RIC1: variants seen among roughly 807,000 people sequenced by gnomAD.
RIC1 encodes the protein guanine nucleotide exchange factor subunit RIC1.
RIC1 carries 88 observed loss-of-function variants against 169.0 expected under a neutral mutation model. That is an observed-to-expected ratio of 0.52 (90% CI 0.44 to 0.62). The LOEUF (loss-of-function observed/expected upper bound fraction) is 0.62. Among genes scored for constraint, RIC1 ranks in the 20% least tolerant of loss-of-function variants. The pLI is 0.00. For synonymous variants in RIC1, 790 were observed against 601.5 expected (o/e 1.31, Z -4.59); for missense variants, 1,877 against 1,725.5 (o/e 1.09, Z -1.56).
intron 3 of RIC1, chr9:5,713,004 A>G (rs1056424888): frequency 6.6e-6 from 1 of 152,210 alleles, no homozygotes; most frequent in Non-Finnish European, 1.5e-5. Context: ...AAAGAAAACT[A>G]AAAAAATGAG....
intron 7 of RIC1, among the ~76,000 whole-genome samples, chr9:5,736,208 C>G (rs1335662677): frequency 6.6e-6 from 1 of 152,214 alleles, no homozygotes; most frequent in African/African-American, 2.4e-5. Flanking sequence ...CTGCTACCCA[C>G]TTAGTGCTGT....
In RIC1 at chr9:5,756,379, A is replaced by C; in HGVS notation, c.1853+7A>C. 1 of 1,431,630 alleles carries C rather than the reference A, an allele frequency of 7.0e-7. No homozygotes were observed. Among genetic ancestry groups the C allele is most frequent in the Non-Finnish European group, 9.3e-7 (1 of 1,076,546 alleles). The allele number at this position is 1,431,630 out of a possible 1,614,324, so 88.7% of individuals were successfully genotyped here. ...TTGAAAGAAAATCTGATGGGTAAGT[A>C]TCTGGCATATGAGAAGTCACTTTTT... is the stretch of plus-strand genomic sequence containing the variant. On this transcript the variant is annotated splice_region_variant and intron_variant, in intron 16 of 25. Coordinates refer to ENST00000414202, the MANE Select transcript of RIC1 (RefSeq NM_020829.4).
At chr9:5,736,001 C>G (rs919590607) in intron 7 of RIC1, among the ~76,000 whole-genome samples, 1 of 152,088 alleles carries the variant, frequency 6.6e-6, no homozygotes, top group Middle Eastern at 3.2e-3. Flanking sequence ...TTACATTGGG[C>G]TGGTGAGAAA....
intron 21 of RIC1, 42 bp from the exon 22 acceptor site, chr9:5,768,928 A>G: frequency 1.9e-6 from 3 of 1,558,676 alleles, no homozygotes; most frequent in Non-Finnish European, 2.6e-6. Flanking sequence ...GAAATCCTCC[A>G]GTAAAGATTA....
chr9:5,703,678 T>C (rs1196314878), intron 3 of RIC1, among the ~76,000 whole-genome samples: 1 of 152,274 alleles, frequency 6.6e-6, no homozygotes. Flanking sequence ...TTTTCAAGGT[T>C]AATTCGTGTT....
intron 7 of RIC1, among the ~76,000 whole-genome samples, chr9:5,735,046 G>T (rs1013948887): frequency 6.6e-6 from 1 of 151,990 alleles, no homozygotes; most frequent in Non-Finnish European, 1.5e-5. Flanking sequence ...AAACAGAATC[G>T]ATCAAGATTC....
chr9:5,708,906 G>A (rs1255790069), intron 3 of RIC1, among the ~76,000 whole-genome samples: 2 of 151,744 alleles, frequency 1.3e-5, no homozygotes, highest in Non-Finnish European at 2.9e-5. Flanking sequence ...TCTTTAAACT[G>A]GGTCTATTTT....
At chr9:5,723,319 AT>A (rs1260356316) in intron 6 of RIC1, among the ~76,000 whole-genome samples, 7 of 152,066 alleles carry the variant, frequency 4.6e-5, no homozygotes, top group Non-Finnish European at 5.9e-5. Context: ...GATAATGAGC[AT>A]TTTTTCATGT....
chr9:5,742,214 T>C (rs1825123832), intron 8 of RIC1, among the ~76,000 whole-genome samples: 1 of 152,174 alleles, frequency 6.6e-6, no homozygotes, highest in African/African-American at 2.4e-5. Flanking sequence ...GTATCTTTTG[T>C]TAGATTACCT....
chr9:5,768,066 G>T (rs1300431900), intron 21 of RIC1, among the ~76,000 whole-genome samples: 1 of 152,198 alleles, frequency 6.6e-6, no homozygotes, highest in Non-Finnish European at 1.5e-5. Flanking sequence ...GCAGAGCCAA[G>T]ATCCGAATCC....
chr9:5,707,537 A>G (rs1346580713), intron 3 of RIC1, among the ~76,000 whole-genome samples: 9 of 151,966 alleles, frequency 5.9e-5, no homozygotes. Flanking sequence ...ATATATTAAT[A>G]TTTTGTGGCT....
Position 5,763,623 on chromosome 9 carries a change from C to T in RIC1, c.2596C>T (p.His866Tyr). Residue 866 changes from histidine to tyrosine, a missense_variant, in exon 19 of 26, where the codon CAT becomes TAT. Transcript: ENST00000414202. The surrounding 1 kb of genome is among the most constrained non-coding windows in gnomAD (Gnocchi z 5.2). Reference protein sequence around the residue: ...YFPHVLELMLHEVLEEEATSR... With the variant: ...YFPHVLELMLYEVLEEEATSR... ...CCCTCATGTGCTGGAGCTCATGCTC[C>T]ATGAAGTACTGGAAGAAGAAGCTAC... 6.2e-7 allele frequency: 1 copy of T among 1,614,160 alleles called. No individual in the cohort carries two copies. The highest frequency in any genetic ancestry group is 8.5e-7 in the Non-Finnish European group (1 of 1,180,020).
At chr9:5,676,305 T>A (rs1488877263) in intron 2 of RIC1, among the ~76,000 whole-genome samples, 1 of 152,230 alleles carries the variant, frequency 6.6e-6, no homozygotes, top group African/African-American at 2.4e-5. Context: ...ATGTATTCTA[T>A]AGTTTTTTAT....
At chr9:5,642,838 C>G (rs1049391525) in intron 1 of RIC1, among the ~76,000 whole-genome samples, 12 of 152,178 alleles carry the variant, frequency 7.9e-5, no homozygotes, top group African/African-American at 2.9e-4. Context: ...AATTTAAGTT[C>G]TTTTTATTTC....
chr9:5,723,086 T>C (rs1198815910), intron 6 of RIC1, among the ~76,000 whole-genome samples: 3 of 152,256 alleles, frequency 2.0e-5, no homozygotes, highest in Non-Finnish European at 4.4e-5. Flanking sequence ...ATGGGATGGC[T>C]GGATCAAATG....
At chr9:5,666,502 G>A (rs1708123830) in intron 2 of RIC1, among the ~76,000 whole-genome samples, 1 of 152,050 alleles carries the variant, frequency 6.6e-6, no homozygotes, top group Non-Finnish European at 1.5e-5. Flanking sequence ...TCACCATTGA[G>A]TATAATGTTG....
chr9:5,666,088 G>T (rs948198317), intron 2 of RIC1, among the ~76,000 whole-genome samples: 7 of 152,058 alleles, frequency 4.6e-5, no homozygotes, highest in African/African-American at 1.4e-4. Flanking sequence ...CTCCGTCCTG[G>T]GGGGAAATTA....
intron 2 of RIC1, among the ~76,000 whole-genome samples, chr9:5,666,641 C>T (rs4742112): frequency 0.3 from 45,698 of 152,046 alleles, 7,975 homozygotes; most frequent in East Asian, 0.58. Flanking sequence ...AATTGAGAAA[C>T]GTGGATTTTT....
intron 6 of RIC1, among the ~76,000 whole-genome samples, chr9:5,730,143 A>G (rs1476819937): frequency 1.3e-5 from 2 of 152,228 alleles, no homozygotes; most frequent in Non-Finnish European, 2.9e-5. Context: ...ATAGGGAAAT[A>G]ACTAAATGAC....
Sources: gnomAD v4.1 joint callset for allele counts (sites outside exome capture counted in the v4.1 genomes callset) on GRCh38, gnomAD v4.1.1 for gene constraint, Gnocchi (gnomAD v3.1) non-coding constraint, MANE v1.5 for transcripts, NCBI Gene and HGNC (gene_info 2026-07-23, HGNC 2026-07-21) for gene names.